Variants in POU6F2 observed in about 807,000 individuals in gnomAD.
POU6F2 encodes POU class 6 homeobox 2, also known as POU domain, class 6, transcription factor 2.
A neutral mutation model predicts 71.3 loss-of-function variants in POU6F2; 31 were observed. That is an observed-to-expected ratio of 0.43 (90% CI 0.33 to 0.59). POU6F2 has a LOEUF of 0.59. Ranked by LOEUF, POU6F2 falls within the 20% of genes least tolerant of loss-of-function variation. The probability of loss-of-function intolerance (pLI) is 0.04; values close to 1 mark genes in which losing one functional copy is unlikely to be tolerated. For synonymous variants in POU6F2, 347 were observed against 355.7 expected (o/e 0.98, Z 0.27); for missense variants, 783 against 856.8 (o/e 0.91, Z 1.07).
chr7:38,989,660 A>C (rs567165046), intron 1 of POU6F2, among the ~76,000 whole-genome samples: 5 of 152,238 alleles, frequency 3.3e-5, no homozygotes, highest in African/African-American at 1.2e-4. Flanking sequence ...TTTAACTCTC[A>C]TTTCTGCATA....
intron 8 of POU6F2, among the ~76,000 whole-genome samples, chr7:39,454,706 ATATATATATATATATATATAT>A (rs1788754514): frequency 3.1e-4 from 21 of 68,430 alleles, no homozygotes; most frequent in African/African-American, 8.9e-4. Context: ...ATATATATAT[ATATATATATATATATATATAT>A]AAAATAAGAT....
intron 4 of POU6F2, among the ~76,000 whole-genome samples, chr7:39,248,376 T>C (rs1454210903): frequency 6.6e-6 from 1 of 152,116 alleles, no homozygotes; most frequent in African/African-American, 2.4e-5. Flanking sequence ...ATCAAAATGA[T>C]GAGATGTGTT....
At chr7:39,198,180 T>A (rs1450486095) in intron 2 of POU6F2, among the ~76,000 whole-genome samples, 1 of 152,128 alleles carries the variant, frequency 6.6e-6, no homozygotes, top group African/African-American at 2.4e-5. Context: ...TGATAAAAAA[T>A]TATTGGAGGA....
intron 4 of POU6F2, among the ~76,000 whole-genome samples, chr7:39,326,045 T>C (rs752543233): frequency 6.6e-6 from 1 of 152,168 alleles, no homozygotes; most frequent in Non-Finnish European, 1.5e-5. Flanking sequence ...ATTTTAAACC[T>C]TTTAACCTCC....
intron 5 of POU6F2, among the ~76,000 whole-genome samples, chr7:39,344,386 T>G (rs770872743): frequency 2.0e-5 from 3 of 152,190 alleles, no homozygotes; most frequent in Admixed American, 6.5e-5. Flanking sequence ...AGAGTAAAAC[T>G]GCATCGGAAT....
At chr7:39,283,684 T>G (rs1047322296) in intron 4 of POU6F2, among the ~76,000 whole-genome samples, 23 of 152,208 alleles carry the variant, frequency 1.5e-4, no homozygotes, top group African/African-American at 5.5e-4. Flanking sequence ...AACACTTGGG[T>G]TGTTTCCACT....
intron 2 of POU6F2, among the ~76,000 whole-genome samples, chr7:39,119,443 C>G (rs1791998279): frequency 6.6e-6 from 1 of 151,842 alleles, no homozygotes; most frequent in Non-Finnish European, 1.5e-5. Context: ...TTGATTTATT[C>G]AAAGATGGTG....
chr7:39,438,862 T>C (rs941780945), intron 7 of POU6F2, among the ~76,000 whole-genome samples: 2 of 152,202 alleles, frequency 1.3e-5, no homozygotes, highest in African/African-American at 4.8e-5. Context: ...TTCTGTTAGG[T>C]CTATTAGGTC....
intron 4 of POU6F2, among the ~76,000 whole-genome samples, chr7:39,320,626 C>T (rs571997683): frequency 5.9e-5 from 9 of 152,128 alleles, no homozygotes; most frequent in Non-Finnish European, 1.2e-4. Flanking sequence ...TCTGAGGGGG[C>T]ACATGTTCCA....
intron 5 of POU6F2, among the ~76,000 whole-genome samples, chr7:39,347,111 G>A (rs928197019): frequency 2.0e-5 from 3 of 152,096 alleles, no homozygotes; most frequent in African/African-American, 7.2e-5. Flanking sequence ...GTTGGTGTGG[G>A]GATTAAATGC....
intron 5 of POU6F2, among the ~76,000 whole-genome samples, chr7:39,389,860 T>A (rs1400566594): frequency 6.6e-6 from 1 of 152,308 alleles, no homozygotes; most frequent in East Asian, 1.9e-4. Flanking sequence ...CCTATGACTT[T>A]TAAAATAGAC....
chr7:39,046,382 C>T (rs997795661), intron 1 of POU6F2, among the ~76,000 whole-genome samples: 3 of 151,738 alleles, frequency 2.0e-5, no homozygotes, highest in Admixed American at 2.0e-4. Flanking sequence ...CAAATATTTT[C>T]CCCCAGTCTG....
chr7:39,081,317 A>G (rs1490945720), intron 1 of POU6F2, among the ~76,000 whole-genome samples: 1 of 152,348 alleles, frequency 6.6e-6, no homozygotes, highest in East Asian at 1.9e-4. Flanking sequence ...GATCTATTAG[A>G]TAATATAAGA....
intron 5 of POU6F2, among the ~76,000 whole-genome samples, chr7:39,355,595 A>T (rs895389950): frequency 6.6e-6 from 1 of 152,086 alleles, no homozygotes; most frequent in African/African-American, 2.4e-5. Context: ...AACATATTGC[A>T]TGTGATATGA....
At chr7:39,342,967 A>T (rs1583539189) in intron 5 of POU6F2, among the ~76,000 whole-genome samples, 1 of 152,212 alleles carries the variant, frequency 6.6e-6, no homozygotes, top group Non-Finnish European at 1.5e-5. Context: ...TTGATCACTC[A>T]GCATTATAGG....
chr7:39,440,059 TGGGATG>T (rs1562553601), intron 7 of POU6F2, among the ~76,000 whole-genome samples: 1 of 152,222 alleles, frequency 6.6e-6, no homozygotes, highest in Non-Finnish European at 1.5e-5. Context: ...CAGCTGTTAG[TGGGATG>T]GGCTTCCCTT....
Position 39,346,412 on chromosome 7 carries a change from T to G in POU6F2, c.972+6397T>G, listed in dbSNP as rs1435663358. Among the ~76,000 whole-genome samples the G allele has an allele frequency of 2.6e-5, 4 of 152,304 alleles. No homozygotes were observed. The East Asian group carries it at 7.7e-4, about 29-fold the overall frequency. On this transcript the variant is annotated intron_variant, in intron 5 of 9. Transcript: ENST00000518318. Reference sequence around the variant, plus strand: ...TGAGGGTGCCAGACTCAAAGGAGGATGGGAAGATTCTTGCAGCGTTTGAAC... The same window carrying G: ...TGAGGGTGCCAGACTCAAAGGAGGAGGGGAAGATTCTTGCAGCGTTTGAAC...
intron 6 of POU6F2, among the ~76,000 whole-genome samples, chr7:39,423,335 T>G (rs1787896897): frequency 1.3e-5 from 2 of 152,176 alleles, no homozygotes; most frequent in Non-Finnish European, 2.9e-5. Context: ...TACAGAATAC[T>G]CCTACTAATC....
chr7:39,445,558 T>G (rs1324992528), intron 7 of POU6F2, among the ~76,000 whole-genome samples: 1 of 152,204 alleles, frequency 6.6e-6, no homozygotes, highest in African/African-American at 2.4e-5. Flanking sequence ...TCCTCTGTCC[T>G]AAATCCCTCC....
Sources: gnomAD v4.1 joint callset for allele counts (sites outside exome capture counted in the v4.1 genomes callset) on GRCh38, gnomAD v4.1.1 for gene constraint, MANE v1.5 for transcripts, NCBI Gene and HGNC (gene_info 2026-07-23, HGNC 2026-07-21) for gene names.